The following KAZN variants were observed in gnomAD, a reference collection of about 807,000 sequenced individuals.
KAZN encodes kazrin.
Under a neutral mutation model 87.4 loss-of-function variants are expected in KAZN, and 40 were observed. That is an observed-to-expected ratio of 0.46 (90% confidence interval 0.36 to 0.60). KAZN has a LOEUF of 0.60. KAZN is among the 20% of genes least tolerant of loss of function. The pLI, the probability that KAZN is intolerant of heterozygous loss-of-function variation, is 0.00. For synonymous variants in KAZN, 466 were observed against 458.3 expected (o/e 1.02, Z -0.22); for missense variants, 898 against 1,073.9 (o/e 0.84, Z 2.29).
At chr1:14,486,218 A>G (rs766813271) in intron 2 of KAZN, among the ~76,000 whole-genome samples, 85 of 152,286 alleles carry the variant, frequency 5.6e-4, no homozygotes, top group Non-Finnish European at 9.9e-4. Flanking sequence ...AAAATGAAAA[A>G]TAAGTTTAAA....
At chr1:14,167,785 G>A (rs2100241581) in intron 1 of KAZN, among the ~76,000 whole-genome samples, 1 of 152,256 alleles carries the variant, frequency 6.6e-6, no homozygotes, top group East Asian at 1.9e-4. Context: ...AAGTTAGGAA[G>A]GGCAGGGAGC....
rs758885005 is a variant in KAZN at position 14,765,963 on chromosome 1, G to A, written c.226+166740G>A. ...GCACTGCCAGCCATTGGCATCTGTC[G>A]AAGGGTGTGTCTGTGTTGTCTCAGT... On this transcript the variant is annotated intron_variant, in intron 1 of 14. Transcript: ENST00000376030. Among the ~76,000 whole-genome samples the A allele has an allele frequency of 4.0e-4, 61 of 152,320 alleles. 1 individual carries two copies. Among genetic ancestry groups the A allele is most frequent in the Admixed American group, 2.0e-4 (3 of 15,298 alleles).
rs1646318172 is a variant in KAZN, at chr1:14,186,852, C to T, written c.249+6260C>T. Among the ~76,000 whole-genome samples the T allele has an allele frequency of 2.0e-5, 3 of 152,236 alleles. No individual in the cohort carries two copies. In the South Asian group the frequency reaches 6.2e-4, roughly 32 times the overall value. On this transcript the variant is annotated intron_variant, in intron 2 of 16. Transcript: ENST00000636203. ...TCTAAGTTCTAGGGACAGAGAGGGA[C>T]AGAACTTTACCCCTAACTCTCCTCC...
chr1:14,276,747 T>C (rs1652389942), intron 2 of KAZN, among the ~76,000 whole-genome samples: 2 of 152,186 alleles, frequency 1.3e-5, no homozygotes, highest in South Asian at 4.2e-4. Context: ...GCAAAGACCT[T>C]ATTTCTAAAT....
intron 6 of KAZN, chr1:15,062,205 G>A (rs1206699713): frequency 6.6e-6 from 1 of 152,330 alleles, no homozygotes; most frequent in East Asian, 1.9e-4. Flanking sequence ...CATAGCCTTG[G>A]CACATTCCTG....
At position 14,896,041 on chromosome 1, in the gene KAZN, C is replaced by CTTTTTTTTTTTTT. The variant is rs201188620; in HGVS notation, c.227-64624_227-64612dup. Among the ~76,000 whole-genome samples the CTTTTTTTTTTTTT allele has an allele frequency of 1.6e-4, 23 of 140,750 alleles. 1 individual carries two copies. Among genetic ancestry groups the CTTTTTTTTTTTTT allele is most frequent in the African/African-American group, 6.1e-4 (22 of 36,252 alleles). The allele number at this position is 140,750 out of a possible 152,430, so 92.3% of individuals were successfully genotyped here. A position where few individuals can be genotyped will look rare whatever the true frequency, so the allele number is the denominator to read the frequency against. Reference sequence around the variant, plus strand: ...CAGTAAGTACAAATGAAAAAGACGCCTTTTTTTTTTTTTTTTTTTTTTTTT... The same window carrying CTTTTTTTTTTTTT: ...CAGTAAGTACAAATGAAAAAGACGCCTTTTTTTTTTTTTTTTTTTTTTTTTTTTTTTTTTTTTT... On this transcript the variant is annotated intron_variant, in intron 1 of 14. Transcript: ENST00000376030.
chr1:14,451,608 A>AGAG, intron 2 of KAZN, among the ~76,000 whole-genome samples: 1 of 134,420 alleles, frequency 7.4e-6, no homozygotes, highest in Non-Finnish European at 1.7e-5. Context: ...GAGAGAGAGA[A>AGAG]AGAGAGAAAG....
chr1:14,386,001 A>G (rs1002397155), intron 2 of KAZN, among the ~76,000 whole-genome samples: 2 of 151,890 alleles, frequency 1.3e-5, no homozygotes, highest in Non-Finnish European at 2.9e-5. Flanking sequence ...GTGCTCCTGT[A>G]TTGGGTACAT....
Position 14,573,038 on chromosome 1 carries a change from A to G in KAZN, c.250-25945A>G, listed in dbSNP as rs189451820. 1.6e-3 allele frequency among the ~76,000 whole-genome samples: 236 copies of G among 152,164 alleles called. 1 individual carries two copies. Among genetic ancestry groups the G allele is most frequent in the Non-Finnish European group, 3.0e-3 (205 of 68,006 alleles). ...ACAGACCAGAAAAATGTAACCGATC[A>G]CTCATGCTCCTCAGCTCTGAGGAAT... is the stretch of plus-strand genomic sequence containing the variant. On this transcript the variant is annotated intron_variant, in intron 2 of 16. Transcript: ENST00000636203.
At chr1:14,792,046 C>G (rs928954162) in intron 1 of KAZN, among the ~76,000 whole-genome samples, 1 of 152,106 alleles carries the variant, frequency 6.6e-6, no homozygotes, top group African/African-American at 2.4e-5. Context: ...TCATCTATAC[C>G]CTTCCTTACC....
intron 1 of KAZN, among the ~76,000 whole-genome samples, chr1:14,729,856 G>GA (rs914257138): frequency 6.6e-6 from 1 of 152,110 alleles, no homozygotes; most frequent in East Asian, 1.9e-4. Context: ...TTAATGGTTG[G>GA]AAAAAATCAA....
chr1:14,939,632 C>T (rs974052705), intron 1 of KAZN, among the ~76,000 whole-genome samples: 3 of 151,702 alleles, frequency 2.0e-5, no homozygotes, highest in African/African-American at 7.3e-5. Flanking sequence ...TGCATTGGGA[C>T]GTGCCTCTTG....
At chr1:13,913,397 A>C (rs1176518786) in intron 1 of KAZN, among the ~76,000 whole-genome samples, 1 of 152,156 alleles carries the variant, frequency 6.6e-6, no homozygotes, top group Non-Finnish European at 1.5e-5. Flanking sequence ...ATTTTGGGGT[A>C]GGAATCTCAG....
At chr1:14,796,193 A>T (rs1645822789) in intron 1 of KAZN, among the ~76,000 whole-genome samples, 1 of 152,146 alleles carries the variant, frequency 6.6e-6, no homozygotes, top group African/African-American at 2.4e-5. Flanking sequence ...GTAATCCCAC[A>T]GATAAGCCTG....
At chr1:14,420,562 G>A (rs923178332) in intron 2 of KAZN, among the ~76,000 whole-genome samples, 2 of 152,284 alleles carry the variant, frequency 1.3e-5, no homozygotes, top group African/African-American at 2.4e-5. Context: ...GGGTGCGCTC[G>A]TCGGGGAGGC....
In KAZN at chr1:14,773,712, G is replaced by GC. The variant is rs1344478074; in HGVS notation, c.226+174491dup. Among the ~76,000 whole-genome samples, 1 of 152,154 alleles carries GC rather than the reference G, an allele frequency of 6.6e-6. No individual in the cohort carries two copies. Among genetic ancestry groups the GC allele is most frequent in the African/African-American group, 2.4e-5 (1 of 41,446 alleles). On this transcript the variant is annotated intron_variant, in intron 1 of 14. Coordinates refer to ENST00000376030, the MANE Select transcript of KAZN (RefSeq NM_201628.3). This position sits in a 1 kb window ranked among gnomAD's most constrained non-coding sequence, Gnocchi z 5.9. ...GCCGGTTACCCATTGGCGTCACTTA[G>GC]CCTGGCAGTGCTGCTAATGAGGCCT... is the stretch of plus-strand genomic sequence containing the variant.
rs145802681 is a variant in KAZN at position 14,619,585 on chromosome 1, C to T, written c.226+20362C>T. The stretch of plus-strand genomic sequence containing the variant: ...CATTTTAAAATGTGCAATTCACTGG[C>T]GTTAAAAGTACTTTCACGATGTTTT... On this transcript the variant is annotated intron_variant, in intron 1 of 14. Coordinates refer to ENST00000376030, the MANE Select transcript of KAZN (RefSeq NM_201628.3). 2.1e-3 allele frequency among the ~76,000 whole-genome samples: 314 copies of T among 152,248 alleles called. 3 individuals carry two copies. The highest frequency in any genetic ancestry group is 3.4e-3 in the Middle Eastern group (1 of 294).
Position 15,034,822 on chromosome 1 carries a change from C to A in KAZN, c.492C>A (p.Ala164=). ...DLVSQMQQLY[A]TLESREEQLR... is the part of the protein sequence containing the mutation. ...TGAGCCAGATGCAGCAGCTGTATGC[C>A]ACACTGGAGAGCCGCGAGGAGCAGC... The change falls in exon 3 of 15, where the codon GCC becomes GCA. Residue 164 remains alanine, a synonymous_variant. Coordinates refer to ENST00000376030, the MANE Select transcript of KAZN (RefSeq NM_201628.3). 6.2e-7 allele frequency: 1 copy of A among 1,614,070 alleles called. No individual in the cohort carries two copies. Among genetic ancestry groups the A allele is most frequent in the South Asian group, 1.1e-5 (1 of 91,068 alleles).
intron 1 of KAZN, among the ~76,000 whole-genome samples, chr1:14,011,710 T>C (rs1195137267): frequency 2.6e-5 from 4 of 152,172 alleles, no homozygotes; most frequent in Non-Finnish European, 5.9e-5. Flanking sequence ...TGAGTGAACC[T>C]CTCAGAGCCT....
Sources: allele counts gnomAD v4.1 joint callset (sites outside exome capture counted in the v4.1 genomes callset), GRCh38; gene constraint gnomAD v4.1.1; non-coding constraint Gnocchi (gnomAD v3.1); transcripts MANE v1.5; gene names NCBI Gene and HGNC (gene_info 2026-07-23, HGNC 2026-07-21).